Variants in ANKRD30B observed in about 807,000 individuals in gnomAD.
The protein encoded by ANKRD30B is ankyrin repeat domain 30B, also known as ankyrin repeat domain-containing protein 30B.
ANKRD30B carries 144 observed loss-of-function variants against 202.2 expected under a neutral mutation model. The observed-to-expected ratio is 0.71, with a 90% CI of 0.62 to 0.82. The LOEUF (loss-of-function observed/expected upper bound fraction) is 0.82. Ranked by LOEUF, ANKRD30B falls within the 40% of genes least tolerant of loss-of-function variation. ANKRD30B has a pLI of 0.00. For missense variants in ANKRD30B, 1,487 were observed against 1,669.1 expected (o/e 0.89, Z 1.90); for synonymous variants, 508 against 561.3 (o/e 0.91, Z 1.34).
chr18:14,789,212 A>G (rs527406797), intron 15 of ANKRD30B, among the ~76,000 whole-genome samples: 273 of 152,290 alleles, frequency 1.8e-3, no homozygotes, highest in African/African-American at 6.2e-3. Flanking sequence ...GTGTCTGTTC[A>G]TGTCCTTCAC....
intron 3 of ANKRD30B, among the ~76,000 whole-genome samples, chr18:14,753,800 A>G (rs1913870987): frequency 6.6e-6 from 1 of 152,144 alleles, no homozygotes. Context: ...AGAAAATATT[A>G]TATCCTTCTT....
chr18:14,838,308 A>G (rs1390345850), intron 36 of ANKRD30B, among the ~76,000 whole-genome samples: 1 of 152,218 alleles, frequency 6.6e-6, no homozygotes, highest in Non-Finnish European at 1.5e-5. Flanking sequence ...ACTGGATTCG[A>G]GGAGAAAGAG....
intron 20 of ANKRD30B, among the ~76,000 whole-genome samples, chr18:14,798,135 A>C (rs999164332): frequency 2.0e-5 from 3 of 152,060 alleles, no homozygotes; most frequent in Admixed American, 6.6e-5. Context: ...CAGGTTGAGA[A>C]ATAATAGACA....
At chr18:14,761,583 C>T (rs1256627554) in intron 6 of ANKRD30B, among the ~76,000 whole-genome samples, 2 of 152,226 alleles carry the variant, frequency 1.3e-5, no homozygotes, top group Non-Finnish European at 1.5e-5. Context: ...AGCCATAACC[C>T]TATCTTGAGA....
Position 14,828,327 on chromosome 18 carries a change from T to G in ANKRD30B, c.2774+19T>G, listed in dbSNP as rs766346922. On this transcript the variant is annotated intron_variant, in intron 33 of 43. Transcript: ENST00000690538. ...CATTCAGGTAAGACTTTGCGGTTTT[T>G]TAAAACGTATATGTTAACTCAGAAA... is the stretch of plus-strand genomic sequence containing the variant. 39 of 1,513,128 alleles carry G rather than the reference T, an allele frequency of 2.6e-5. No individual in the cohort carries two copies. The African/African-American group carries it at 4.3e-4, about 17-fold the overall frequency. 93.7% of individuals were successfully genotyped at this position (1,513,128 alleles called of 1,614,324 possible).
At chr18:14,754,857 T>C in intron 3 of ANKRD30B, 42 bp from the exon 4 acceptor site, 2 of 1,365,614 alleles carry the variant, frequency 1.5e-6, no homozygotes, top group Non-Finnish European at 2.0e-6. Context: ...AGCTGAGAAA[T>C]ATGTAATTTC....
At chr18:14,850,099 T>A in intron 40 of ANKRD30B, 115 bp from the exon 41 acceptor site, 10 of 774,364 alleles carry the variant, frequency 1.3e-5, no homozygotes, top group South Asian at 6.8e-5. Flanking sequence ...AAAAAAAAAA[T>A]TCAGGAATAT....
chr18:14,906,990 A>G, the ANKRD30B span, among the ~76,000 whole-genome samples: 1 of 152,180 alleles, frequency 6.6e-6, no homozygotes. Context: ...AAGTTCATAT[A>G]AAGACCTGCG....
chr18:14,874,196 T>C, the ANKRD30B span, among the ~76,000 whole-genome samples: 1 of 152,230 alleles, frequency 6.6e-6, no homozygotes. Context: ...TTCTATACTC[T>C]GGTTCTAGAG....
chr18:14,902,056 A>C, the ANKRD30B span, among the ~76,000 whole-genome samples: 22 of 152,300 alleles, frequency 1.4e-4, no homozygotes, highest in South Asian at 2.5e-3. Flanking sequence ...CCAAGGAAAA[A>C]TGAGGATGAT....
chr18:14,799,309 T>A lies in ANKRD30B; in HGVS notation c.2131+14T>A, dbSNP rs1189657864. On this transcript the variant is annotated intron_variant, in intron 22 of 43. Transcript: ENST00000690538. ...CATTCAAAGCAGGTAAATTTTGCAA[T>A]TTTAATTTTACTCTGGAATTAAGAA... 1 of 1,511,732 alleles carries A rather than the reference T, an allele frequency of 6.6e-7. No homozygotes were observed. The highest frequency in any genetic ancestry group is 2.4e-5 in the Admixed American group (1 of 41,878). The allele number at this position is 1,511,732 out of a possible 1,614,324, so 93.6% of individuals were successfully genotyped here.
chr18:14,793,266 A>G (rs1376262685), intron 16 of ANKRD30B, among the ~76,000 whole-genome samples: 1 of 152,124 alleles, frequency 6.6e-6, no homozygotes, highest in Non-Finnish European at 1.5e-5. Flanking sequence ...TCAAATCTAC[A>G]TTCAGCTGAA....
chr18:14,786,067 A>C (rs1484930614), intron 14 of ANKRD30B, among the ~76,000 whole-genome samples: 1 of 150,984 alleles, frequency 6.6e-6, no homozygotes, highest in Non-Finnish European at 1.5e-5. Context: ...AAAAAAAAAA[A>C]AAAACAGGTA....
chr18:14,805,652 A>G (rs1969463551), intron 24 of ANKRD30B, among the ~76,000 whole-genome samples: 2 of 150,938 alleles, frequency 1.3e-5, no homozygotes, highest in African/African-American at 4.9e-5. Flanking sequence ...GACATATTAA[A>G]GAACATGATG....
chr18:14,852,053 G>C lies in ANKRD30B; in HGVS notation c.4109G>C (p.Gly1370Ala). The C allele has an allele frequency of 6.2e-7, 1 of 1,608,252 alleles. No individual in the cohort carries two copies. Among genetic ancestry groups the C allele is most frequent in the Non-Finnish European group, 8.5e-7 (1 of 1,176,604 alleles). ...KSPKINLNYA[G>A]DDLRENALVS... ...CCAAAAATTAATCTCAATTATGCAG[G>C]AGATGATCTAAGAGAAAATGCATTG... Residue 1370 changes from glycine (G) to alanine (A), a missense_variant, in exon 42 of 44, where the codon GGA (glycine) becomes GCA (alanine). Gly to Ala is a moderately conservative substitution (Grantham distance 60). Around this residue, in one of 6 missense-constraint regions of ANKRD30B, gnomAD observed 182 missense variants for 216.0 expected, o/e 0.84. Transcript: ENST00000690538.
chr18:14,859,866 C>T, the ANKRD30B span, among the ~76,000 whole-genome samples: 4 of 64,038 alleles, frequency 6.2e-5, no homozygotes, highest in Non-Finnish European at 8.9e-5. Context: ...CAGGCAGAGG[C>T]GCTCCTCAGT....
the ANKRD30B span, among the ~76,000 whole-genome samples, chr18:14,861,740 C>CT: frequency 3.9e-5 from 6 of 152,062 alleles, no homozygotes; most frequent in East Asian, 9.7e-4. Context: ...AGGCAGAAAA[C>CT]TAACAATGAA....
At chr18:14,907,518 C>T in the ANKRD30B span, among the ~76,000 whole-genome samples, 1 of 152,190 alleles carries the variant, frequency 6.6e-6, no homozygotes, top group Non-Finnish European at 1.5e-5. Flanking sequence ...GTAGGAGCGG[C>T]TTAACAGAGG....
At chr18:14,772,027 G>T in intron 8 of ANKRD30B, 129 bp from the exon 9 acceptor site, 1 of 479,820 alleles carries the variant, frequency 2.1e-6, no homozygotes. Flanking sequence ...AATATACAGA[G>T]GACTGGTCTT....
Sources: allele counts gnomAD v4.1 joint callset (sites outside exome capture counted in the v4.1 genomes callset), GRCh38; gene constraint gnomAD v4.1.1; regional missense constraint gnomAD v4.1.1; transcripts MANE v1.5; gene names NCBI Gene and HGNC (gene_info 2026-07-23, HGNC 2026-07-21).